The following HNRNPA1L2 variants were observed in gnomAD, a reference collection of about 807,000 sequenced individuals.
HNRNPA1L2 encodes heterogeneous nuclear ribonucleoprotein A1-like 2.
In HNRNPA1L2, 10 loss-of-function variants were observed where a neutral mutation model predicts 18.2. The observed-to-expected ratio is 0.55, with a 90% CI of 0.34 to 0.93. The LOEUF (loss-of-function observed/expected upper bound fraction) is 0.93. Among genes scored for constraint, HNRNPA1L2 ranks in the 40% least tolerant of loss-of-function variants. The pLI is 0.02. For synonymous variants in HNRNPA1L2, 124 were observed against 138.6 expected, an observed-to-expected ratio of 0.89 and a Z score of 0.74; for missense variants, 308 against 394.4, an observed-to-expected ratio of 0.78 and a Z score of 1.85.
chr13:52,620,199 C>G, the HNRNPA1L2 span, among the ~76,000 whole-genome samples: 1 of 152,196 alleles, frequency 6.6e-6, no homozygotes, highest in South Asian at 2.1e-4. Context: ...TAGTATTTAA[C>G]CTAAGGTCTG....
the HNRNPA1L2 span, among the ~76,000 whole-genome samples, chr13:52,627,260 A>G: frequency 6.6e-6 from 1 of 152,218 alleles, no homozygotes; most frequent in African/African-American, 2.4e-5. Flanking sequence ...CAAAGTTTAT[A>G]TAAAACTGGT....
chr13:52,628,438 G>A, the HNRNPA1L2 span, among the ~76,000 whole-genome samples: 1 of 151,938 alleles, frequency 6.6e-6, no homozygotes, highest in Admixed American at 6.6e-5. Context: ...GAGAGACCCT[G>A]TCTCTGAAAG....
At chr13:52,640,630 C>G (rs1207348939), upstream of HNRNPA1L2, among the ~76,000 whole-genome samples, 1 of 152,182 alleles carries the variant, frequency 6.6e-6, no homozygotes, top group Non-Finnish European at 1.5e-5. Context: ...AGTCATGGAA[C>G]TCTTAGTACA....
the HNRNPA1L2 span, among the ~76,000 whole-genome samples, chr13:52,624,859 T>G: frequency 6.6e-6 from 1 of 152,036 alleles, no homozygotes; most frequent in African/African-American, 2.4e-5. Context: ...TGAAACCCTG[T>G]GTCTATCACA....
chr13:52,634,320 A>G, the HNRNPA1L2 span, among the ~76,000 whole-genome samples: 2 of 152,350 alleles, frequency 1.3e-5, no homozygotes, highest in African/African-American at 4.8e-5. Flanking sequence ...GAAGGAGCCC[A>G]CTTGCTTTTT....
At chr13:52,628,132 C>T in the HNRNPA1L2 span, among the ~76,000 whole-genome samples, 2 of 151,976 alleles carry the variant, frequency 1.3e-5, no homozygotes, top group African/African-American at 4.8e-5. Flanking sequence ...GCGTGTGTAC[C>T]AGATGTATTT....
upstream of HNRNPA1L2, among the ~76,000 whole-genome samples, chr13:52,640,104 A>G (rs1961608879): frequency 6.6e-6 from 1 of 151,876 alleles, no homozygotes. Context: ...TGCCTGGCTA[A>G]TAGATGTGTG....
the HNRNPA1L2 span, among the ~76,000 whole-genome samples, chr13:52,634,649 T>G: frequency 1.3e-5 from 2 of 152,210 alleles, no homozygotes; most frequent in South Asian, 2.1e-4. Flanking sequence ...ATTGACCGAT[T>G]GAATGAGTTA....
At chr13:52,637,207 G>A in the HNRNPA1L2 span, 17 of 153,642 alleles carry the variant, frequency 1.1e-4, no homozygotes, top group African/African-American at 3.6e-4. Flanking sequence ...TGAGTGTCAA[G>A]GTATTAAAAA....
chr13:52,631,455 C>T, the HNRNPA1L2 span, among the ~76,000 whole-genome samples: 2 of 152,300 alleles, frequency 1.3e-5, no homozygotes, highest in South Asian at 2.1e-4. Context: ...TTCCTCTCTG[C>T]CGTGACTTGC....
upstream of HNRNPA1L2, among the ~76,000 whole-genome samples, chr13:52,639,747 T>G (rs947821048): frequency 2.0e-4 from 30 of 150,608 alleles, no homozygotes; most frequent in Non-Finnish European, 4.1e-4. Flanking sequence ...TACATAATGT[T>G]TGTATATGGA....
At chr13:52,639,109 T>A (rs1961558718), upstream of HNRNPA1L2, among the ~76,000 whole-genome samples, 1 of 152,180 alleles carries the variant, frequency 6.6e-6, no homozygotes, top group Admixed American at 6.5e-5. Flanking sequence ...ACTTAGAATT[T>A]TTTGACTTTA....
the HNRNPA1L2 span, among the ~76,000 whole-genome samples, chr13:52,635,815 G>A: frequency 6.7e-6 from 1 of 149,250 alleles, no homozygotes; most frequent in Admixed American, 6.7e-5. Context: ...GTATACAGTT[G>A]TATGGCTGTA....
At chr13:52,640,402 G>GA (rs1050956210), upstream of HNRNPA1L2, among the ~76,000 whole-genome samples, 27 of 152,126 alleles carry the variant, frequency 1.8e-4, 1 homozygote, top group African/African-American at 6.5e-4. Context: ...AAACATTTTA[G>GA]AAAAATAGAA....
chr13:52,622,537 T>A, the HNRNPA1L2 span, among the ~76,000 whole-genome samples: 1 of 152,216 alleles, frequency 6.6e-6, no homozygotes, highest in Non-Finnish European at 1.5e-5. Flanking sequence ...TCTTACATAC[T>A]TATTGGTGTT....
chr13:52,640,173 T>C (rs1961612974), upstream of HNRNPA1L2, among the ~76,000 whole-genome samples: 1 of 152,170 alleles, frequency 6.6e-6, no homozygotes, highest in Non-Finnish European at 1.5e-5. Flanking sequence ...ACTCCTGGGC[T>C]CAAGGGATTC....
chr13:52,629,582 C>T, the HNRNPA1L2 span, among the ~76,000 whole-genome samples: 1 of 152,152 alleles, frequency 6.6e-6, no homozygotes, highest in East Asian at 1.9e-4. Context: ...TCAAAATAGG[C>T]CATGCTTCAT....
At chr13:52,629,339 G>T in the HNRNPA1L2 span, 1 of 223,100 alleles carries the variant, frequency 4.5e-6, no homozygotes, top group South Asian at 8.6e-5. Flanking sequence ...GCCTGGAGAA[G>T]ACTGCTGATC....
At chr13:52,618,520 T>A in the HNRNPA1L2 span, among the ~76,000 whole-genome samples, 1 of 152,104 alleles carries the variant, frequency 6.6e-6, no homozygotes, top group Non-Finnish European at 1.5e-5. Context: ...CCAGGTAGAA[T>A]TAAGGGGATG....
Sources: allele counts gnomAD v4.1 joint callset (sites outside exome capture counted in the v4.1 genomes callset), GRCh38; gene constraint gnomAD v4.1.1; transcripts MANE v1.5; gene names NCBI Gene and HGNC (gene_info 2026-07-23, HGNC 2026-07-21).